The following FANCF variants were observed in gnomAD, a reference collection of about 807,000 sequenced individuals.
FANCF encodes the protein Fanconi anemia group F protein.
For synonymous variants in FANCF, 257 were observed against 205.9 expected, an observed-to-expected ratio of 1.25 and a Z score of -2.13; for missense variants, 552 against 481.8, an observed-to-expected ratio of 1.15 and a Z score of -1.36.
rs1390135940 is a variant in FANCF, at chr11:22,623,360, A to G, written c.*1326T>C. 5.0e-6 allele frequency: 1 copy of G among 201,636 alleles called. No individual in the cohort carries two copies. Among genetic ancestry groups the G allele is most frequent in the African/African-American group, 2.3e-5 (1 of 43,534 alleles). The allele number at this position is 201,636 out of a possible 1,614,324, so 12.5% of individuals were successfully genotyped here. A position where few individuals can be genotyped will look rare whatever the true frequency, so the allele number is the denominator to read the frequency against. ...TTTCTAAATATCATTTTTTTCTCCA[A>G]AAAAATCCTCTTACCAGCTAACCTG... On this transcript the variant is annotated 3_prime_UTR_variant, in exon 1 of 1. Coordinates refer to ENST00000327470, the MANE Select transcript of FANCF (RefSeq NM_022725.4).
In FANCF at chr11:22,624,922, T is replaced by C. The variant is rs1060501872; in HGVS notation, c.889A>G (p.Thr297Ala). Residue 297 changes from threonine (T) to alanine (A), a missense_variant, in exon 1 of 1, where the codon ACT becomes GCT. Coordinates refer to ENST00000327470, the MANE Select transcript of FANCF (RefSeq NM_022725.4). ...YDLQKGIWVG[T>A]ESQDVPWEEL... is the part of the protein sequence containing the mutation. The stretch of plus-strand genomic sequence containing the variant: ...TCCCAGGGCACATCTTGGGACTCAG[T>C]TCCAACCCAAATGCCTTTCTGAAGG... The C allele has an allele frequency of 1.9e-6, 3 of 1,614,116 alleles. No homozygotes were observed. Among genetic ancestry groups the C allele is most frequent in the Non-Finnish European group, 2.5e-6 (3 of 1,180,014 alleles).
Position 22,625,389 on chromosome 11 carries a change from G to T in FANCF, c.422C>A (p.Ser141Tyr). ...ESLARLARRR[S>Y]AVHMLRFNGY... ...ATTGAAGCGCAGCATGTGCACCGCA[G>T]ACCGCCGGCGGGCAAGGCGGGCCAG... Residue 141 changes from serine (S) to tyrosine (Y), a missense_variant, in exon 1 of 1, where the codon TCT becomes TAT. By Grantham distance (144) the Ser-to-Tyr change is moderately radical. Transcript: ENST00000327470. 1 of 1,614,200 alleles carries T rather than the reference G, an allele frequency of 6.2e-7. No homozygotes were observed. The highest frequency in any genetic ancestry group is 1.1e-5 in the South Asian group (1 of 91,088).
rs780551069 is a variant in FANCF at position 22,625,801 on chromosome 11, G to C, written c.10C>G (p.Leu4Val). The stretch of plus-strand genomic sequence containing the variant: ...GAAAAGCGATCCAGGTGCTGCAGAA[G>C]GGATTCCATGAGGTGCGCGAAGGCC... Reference protein sequence around the residue: MESLLQHLDRFSEL... With the variant: MESVLQHLDRFSEL... Residue 4 changes from leucine (L) to valine (V), a missense_variant, in exon 1 of 1, where the codon CTT (leucine) becomes GTT (valine). By Grantham distance (32) the Leu-to-Val change is conservative. Transcript: ENST00000327470. 1 of 1,613,982 alleles carries C rather than the reference G, an allele frequency of 6.2e-7. No homozygotes were observed. The highest frequency in any genetic ancestry group is 1.7e-5 in the Admixed American group (1 of 60,010).
Position 22,625,011 on chromosome 11 carries a change from T to A in FANCF, c.800A>T (p.His267Leu). ...AGLLTLVTSRHPALSPVYLGL... is the reference protein window; with the variant it reads ...AGLLTLVTSRLPALSPVYLGL... ...CAGATAGACAGGAGACAGCGCTGGG[T>A]GGCGGCTAGTCACTAAAGTCAAAAG... The change falls in exon 1 of 1, where the codon CAC becomes CTC. Residue 267 changes from histidine to leucine, a missense_variant. His to Leu is a moderately conservative substitution (Grantham distance 99, BLOSUM62 -3). Transcript: ENST00000327470. 1.2e-6 allele frequency: 2 copies of A among 1,614,118 alleles called. No individual in the cohort carries two copies.
At position 22,625,251 on chromosome 11, in the gene FANCF, C is replaced by T. The variant is rs772831530; in HGVS notation, c.560G>A (p.Arg187Lys). 6.2e-7 allele frequency: 1 copy of T among 1,614,180 alleles called. No homozygotes were observed. The highest frequency in any genetic ancestry group is 8.5e-7 in the Non-Finnish European group (1 of 1,180,042). The stretch of plus-strand genomic sequence containing the variant: ...GCGCTCCCACAGGCTGCTGAGAAAC[C>T]TGGCGGGACGCTCCGCTTCGGCCTT... ...VGKAEAERPA[R>K]FLSSLWERLP... The change falls in exon 1 of 1, where the codon AGG becomes AAG. Residue 187 changes from arginine to lysine, a missense_variant. Physicochemically the swap from Arg to Lys is conservative, Grantham distance 26. Transcript: ENST00000327470.
At position 22,623,240 on chromosome 11, in the gene FANCF, A is replaced by G. The variant is rs1465153574; in HGVS notation, c.*1446T>C. 4.7e-6 allele frequency: 1 copy of G among 211,654 alleles called. No homozygotes were observed. The highest frequency in any genetic ancestry group is 9.6e-6 in the Non-Finnish European group (1 of 104,384). The allele number at this position is 211,654 out of a possible 1,614,324, so 13.1% of individuals were successfully genotyped here. On this transcript the variant is annotated 3_prime_UTR_variant, in exon 1 of 1. Coordinates refer to ENST00000327470, the MANE Select transcript of FANCF (RefSeq NM_022725.4). ...TAATAGTTTACCCCTGGGTTGTACC[A>G]CAGAATGAGAAATTCTACAAGATTA...
In FANCF at chr11:22,625,001, C is replaced by G. The variant is rs1288598427; in HGVS notation, c.810G>C (p.Leu270=). 6.2e-7 allele frequency: 1 copy of G among 1,614,096 alleles called. No homozygotes were observed. Among genetic ancestry groups the G allele is most frequent in the Non-Finnish European group, 8.5e-7 (1 of 1,180,050 alleles). Residue 270 remains leucine (L), a synonymous_variant, in exon 1 of 1, where the codon CTG becomes CTC. Transcript: ENST00000327470. ...TTAGCAGACCCAGATAGACAGGAGA[C>G]AGCGCTGGGTGGCGGCTAGTCACTA... ...LTLVTSRHPA[L]SPVYLGLLTD...
rs761221734 is a variant in FANCF at position 22,625,683 on chromosome 11, T to G, written c.128A>C (p.His43Pro). ...ATGCCGACCAAAGCGCCGATGGATG[T>G]GGCGCAGGTAGCGCGCCCACTGCAA... is the stretch of plus-strand genomic sequence containing the variant. ...RALQWARYLR[H>P]IHRRFGRHGP... Residue 43 changes from histidine to proline, a missense_variant, in exon 1 of 1, where the codon CAC (histidine) becomes CCC (proline). Transcript: ENST00000327470. The G allele has an allele frequency of 2.4e-5, 38 of 1,613,922 alleles. No individual in the cohort carries two copies. Among genetic ancestry groups the G allele is most frequent in the Non-Finnish European group, 7.6e-6 (9 of 1,180,002 alleles).
rs748482579 is a variant in FANCF, at chr11:22,624,649, C to A, written c.*37G>T. On this transcript the variant is annotated 3_prime_UTR_variant, in exon 1 of 1. Transcript: ENST00000327470. ...AACATTGTAATTTTCATTTTGTAAA[C>A]TATATATTCTATATTCAAGTAATAA... The A allele has an allele frequency of 6.9e-6, 11 of 1,584,352 alleles. No individual in the cohort carries two copies. Among genetic ancestry groups the A allele is most frequent in the Non-Finnish European group, 6.9e-6 (8 of 1,153,108 alleles).
Position 22,624,992 on chromosome 11 carries a change from G to A in FANCF, c.819C>T (p.Val273=). The A allele has an allele frequency of 6.2e-7, 1 of 1,614,220 alleles. No individual in the cohort carries two copies. Among genetic ancestry groups the A allele is most frequent in the Non-Finnish European group, 8.5e-7 (1 of 1,180,042 alleles). The change falls in exon 1 of 1, where the codon GTC becomes GTT. Residue 273 remains valine, a synonymous_variant. Transcript: ENST00000327470. The part of the protein sequence containing the change: ...VTSRHPALSP[V]YLGLLTDWGQ... ...CCCAGTCTGTTAGCAGACCCAGATA[G>A]ACAGGAGACAGCGCTGGGTGGCGGC...
At position 22,625,783 on chromosome 11, in the gene FANCF, G is replaced by C; in HGVS notation, c.28C>G (p.Arg10Gly). The change falls in exon 1 of 1, where the codon CGC becomes GGC. Residue 10 changes from arginine to glycine, a missense_variant. Coordinates refer to ENST00000327470, the MANE Select transcript of FANCF (RefSeq NM_022725.4). ...GAGACCGCCAGAAGCTCGGAAAAGC[G>C]ATCCAGGTGCTGCAGAAGGGATTCC... MESLLQHLD[R>G]FSELLAVSST... is the part of the protein sequence containing the mutation. 6.2e-7 allele frequency: 1 copy of C among 1,614,116 alleles called. No homozygotes were observed. The highest frequency in any genetic ancestry group is 8.5e-7 in the Non-Finnish European group (1 of 1,180,024).
Position 22,625,804 on chromosome 11 carries a change from A to C in FANCF, c.7T>G (p.Ser3Ala). 1 of 1,614,020 alleles carries C rather than the reference A, an allele frequency of 6.2e-7. No homozygotes were observed. The highest frequency in any genetic ancestry group is 8.5e-7 in the Non-Finnish European group (1 of 1,180,016). ME[S>A]LLQHLDRFSE... ...AAGCGATCCAGGTGCTGCAGAAGGG[A>C]TTCCATGAGGTGCGCGAAGGCCCTA... Residue 3 changes from serine to alanine, a missense_variant, in exon 1 of 1, where the codon TCC becomes GCC. Ser to Ala is a moderately conservative substitution (Grantham distance 99). Coordinates refer to ENST00000327470, the MANE Select transcript of FANCF (RefSeq NM_022725.4).
In FANCF at chr11:22,625,531, A is replaced by G; in HGVS notation, c.280T>C (p.Ser94Pro). The change falls in exon 1 of 1, where the codon TCT becomes CCT. Residue 94 changes from serine to proline, a missense_variant. Physicochemically the swap from Ser to Pro is moderately conservative, Grantham distance 74. Transcript: ENST00000327470. Reference protein sequence around the residue: ...QALGHCDVLLSLRLLENRALG... With the variant: ...QALGHCDVLLPLRLLENRALG... Reference sequence around the variant, plus strand: ...GCCCGGTTCTCCAGCAGGCGCAGAGAGAGCAGGACGTCACAGTGACCGAGG... The same window carrying G: ...GCCCGGTTCTCCAGCAGGCGCAGAGGGAGCAGGACGTCACAGTGACCGAGG... 6.2e-7 allele frequency: 1 copy of G among 1,614,150 alleles called. No individual in the cohort carries two copies.
chr11:22,623,056 C>T lies in FANCF; in HGVS notation c.*1630G>A, dbSNP rs559054290. The T allele has an allele frequency of 9.7e-5, 20 of 206,284 alleles. No individual in the cohort carries two copies. Among genetic ancestry groups the T allele is most frequent in the African/African-American group, 1.8e-4 (8 of 44,026 alleles). The allele number at this position is 206,284 out of a possible 1,614,324, so 12.8% of individuals were successfully genotyped here. A position where few individuals can be genotyped will look rare whatever the true frequency, so the allele number is the denominator to read the frequency against. On this transcript the variant is annotated 3_prime_UTR_variant, in exon 1 of 1. Transcript: ENST00000327470. ...TGGGTTGTTTCTTAAAAAAAATTCA[C>T]GCAACTGACAGGAGGAATTGTCTTT...
chr11:22,624,473 A>T lies in FANCF; in HGVS notation c.*213T>A. The T allele has an allele frequency of 1.7e-6, 1 of 589,954 alleles. No homozygotes were observed. The highest frequency in any genetic ancestry group is 2.1e-5 in the South Asian group (1 of 47,518). The allele number at this position is 589,954 out of a possible 1,614,324, so 36.5% of individuals were successfully genotyped here. ...AACTATTGCTAATTCCATGGCTTTA[A>T]GTGGAGTACTTCCAATCACTTCCTC... On this transcript the variant is annotated 3_prime_UTR_variant, in exon 1 of 1. Transcript: ENST00000327470.
rs767088554 is a variant in FANCF, at chr11:22,625,677, T to C, written c.134A>G (p.His45Arg). ...LQWARYLRHI[H>R]RRFGRHGPIR... ...GGGGCCATGCCGACCAAAGCGCCGA[T>C]GGATGTGGCGCAGGTAGCGCGCCCA... The change falls in exon 1 of 1, where the codon CAT (histidine) becomes CGT (arginine). Residue 45 changes from histidine (H) to arginine (R), a missense_variant. Coordinates refer to ENST00000327470, the MANE Select transcript of FANCF (RefSeq NM_022725.4). 1.2e-5 allele frequency: 19 copies of C among 1,613,934 alleles called. No individual in the cohort carries two copies. The South Asian group carries it at 2.1e-4, about 18-fold the overall frequency.
In FANCF at chr11:22,625,264, C is replaced by T. The variant is rs774728053; in HGVS notation, c.547G>A (p.Glu183Lys). ...CTGCTGAGAAACCTGGCGGGACGCT[C>T]CGCTTCGGCCTTCCCCACCTCCTGC... is the stretch of plus-strand genomic sequence containing the variant. Reference protein sequence around the residue: ...RLQEVGKAEAERPARFLSSLW... With the variant: ...RLQEVGKAEAKRPARFLSSLW... The change falls in exon 1 of 1, where the codon GAG becomes AAG. Residue 183 changes from glutamate to lysine, a missense_variant. Transcript: ENST00000327470. 1.2e-5 allele frequency: 20 copies of T among 1,614,182 alleles called. No homozygotes were observed. The highest frequency in any genetic ancestry group is 1.6e-4 in the Middle Eastern group (1 of 6,062).
rs544395896 is a variant in FANCF, at chr11:22,625,721, G to A, written c.90C>T (p.Thr30=). The change falls in exon 1 of 1, where the codon ACC becomes ACT. Residue 30 remains threonine (T), a synonymous_variant. Coordinates refer to ENST00000327470, the MANE Select transcript of FANCF (RefSeq NM_022725.4). The part of the protein sequence containing the change: ...TTYVSTWDPA[T]VRRALQWARY... Reference sequence around the variant, plus strand: ...GCGCCCACTGCAAGGCCCGGCGCACGGTGGCGGGGTCCCAGGTGCTGACGT... The same window carrying A: ...GCGCCCACTGCAAGGCCCGGCGCACAGTGGCGGGGTCCCAGGTGCTGACGT... The A allele has an allele frequency of 3.7e-6, 6 of 1,614,164 alleles. No homozygotes were observed. The highest frequency in any genetic ancestry group is 3.3e-5 in the South Asian group (3 of 91,086).
chr11:22,625,325 CAG>C lies in FANCF; in HGVS notation c.484_485del (p.Leu162AspfsTer103), dbSNP rs587778340. The C allele has an allele frequency of 1.6e-4, 257 of 1,614,136 alleles. No individual in the cohort carries two copies. Among genetic ancestry groups the C allele is most frequent in the South Asian group, 2.1e-4 (19 of 91,094 alleles). On this transcript the variant is annotated frameshift_variant, in exon 1 of 1. Coordinates refer to ENST00000327470, the MANE Select transcript of FANCF (RefSeq NM_022725.4). LOFTEE classifies it low-confidence loss of function (END_TRUNC). ...RENPNLQEDS[L>X]MKTQAELLLE... The stretch of plus-strand genomic sequence containing the variant: ...GCAGCAGCTCCGCCTGGGTCTTCAT[CAG>C]AGAGTCCTCCTGGAGATTTGGGTTC...
Sources: allele counts gnomAD v4.1 joint callset, GRCh38; gene constraint gnomAD v4.1.1; transcripts MANE v1.5; gene names NCBI Gene and HGNC (gene_info 2026-07-23, HGNC 2026-07-21).